MACROD2: variants seen among roughly 807,000 people sequenced by gnomAD.
MACROD2 encodes ADP-ribose glycohydrolase MACROD2.
MACROD2 carries 36 observed loss-of-function variants against 70.4 expected under a neutral mutation model. That is an observed-to-expected ratio of 0.51 (90% confidence interval 0.39 to 0.68). The LOEUF (loss-of-function observed/expected upper bound fraction) is 0.68, where lower values mean the gene tolerates loss of function less well. Among genes scored for constraint, MACROD2 ranks in the 30% least tolerant of loss-of-function variants. MACROD2 has a pLI of 0.00. For synonymous variants in MACROD2, 172 were observed against 178.8 expected, an observed-to-expected ratio of 0.96 and a Z score of 0.30; for missense variants, 496 against 538.4, an observed-to-expected ratio of 0.92 and a Z score of 0.78.
intron 3 of MACROD2, among the ~76,000 whole-genome samples, chr20:14,154,923 C>A (rs2055078458): frequency 6.6e-6 from 1 of 152,162 alleles, no homozygotes; most frequent in Non-Finnish European, 1.5e-5. Flanking sequence ...ATGAAACTCT[C>A]CCTTGCCAGA....
chr20:15,233,583 G>A (rs1196525218), intron 6 of MACROD2, among the ~76,000 whole-genome samples: 1 of 151,864 alleles, frequency 6.6e-6, no homozygotes, highest in East Asian at 1.9e-4. Context: ...TATTAACTTA[G>A]GGGAAAAAAT....
At chr20:15,066,033 C>T (rs371377071) in intron 5 of MACROD2, among the ~76,000 whole-genome samples, 4 of 152,056 alleles carry the variant, frequency 2.6e-5, no homozygotes, top group Middle Eastern at 3.4e-3. Flanking sequence ...GTATTCTATC[C>T]GGTGGCTACC....
chr20:14,526,996 T>A (rs2085241529), intron 4 of MACROD2, among the ~76,000 whole-genome samples: 1 of 152,222 alleles, frequency 6.6e-6, no homozygotes, highest in Non-Finnish European at 1.5e-5. Flanking sequence ...ACTTGGAGAA[T>A]GAGTGCAAGG....
Position 15,383,446 on chromosome 20 carries a change from A to C in MACROD2, c.541-47959A>C, listed in dbSNP as rs111243450. Reference sequence around the variant, plus strand: ...CCAAGTTCCCTGAGTTAAGAAGTAGAATTTCAAACACAGGTTGAACTAACC... The same window carrying C: ...CCAAGTTCCCTGAGTTAAGAAGTAGCATTTCAAACACAGGTTGAACTAACC... On this transcript the variant is annotated intron_variant, in intron 6 of 17. Transcript: ENST00000684519. Among the ~76,000 whole-genome samples, 977 of 152,302 alleles carry C rather than the reference A, an allele frequency of 6.4e-3. 10 individuals carry two copies. The highest frequency in any genetic ancestry group is 0.022 in the African/African-American group (912 of 41,566).
chr20:15,237,994 C>T (rs1294237931), intron 6 of MACROD2, among the ~76,000 whole-genome samples: 1 of 152,120 alleles, frequency 6.6e-6, no homozygotes, highest in East Asian at 1.9e-4. Context: ...ATGGGTGGGG[C>T]ACTGATGCCT....
intron 8 of MACROD2, among the ~76,000 whole-genome samples, chr20:15,521,895 G>A (rs1033331962): frequency 1.3e-5 from 2 of 152,196 alleles, no homozygotes; most frequent in African/African-American, 2.4e-5. Context: ...AAGTCAGTTC[G>A]TATGCAGCTT....
At chr20:15,973,373 C>T (rs2066259549) in intron 13 of MACROD2, among the ~76,000 whole-genome samples, 1 of 152,086 alleles carries the variant, frequency 6.6e-6, no homozygotes, top group Non-Finnish European at 1.5e-5. Context: ...TAGCCTGACT[C>T]CATAAATACC....
intron 3 of MACROD2, among the ~76,000 whole-genome samples, chr20:14,254,017 CA>C (rs1407958679): frequency 1.3e-5 from 2 of 151,294 alleles, no homozygotes; most frequent in Non-Finnish European, 3.0e-5. Context: ...TAATTTAAAA[CA>C]AAATTAATAC....
intron 5 of MACROD2, among the ~76,000 whole-genome samples, chr20:15,108,558 G>A (rs1336167887): frequency 6.6e-6 from 1 of 152,082 alleles, no homozygotes; most frequent in East Asian, 1.9e-4. Flanking sequence ...GATACTCCTA[G>A]AATCCACTTA....
chr20:14,740,385 C>CA (rs1453257468), intron 5 of MACROD2, among the ~76,000 whole-genome samples: 2 of 152,004 alleles, frequency 1.3e-5, no homozygotes, highest in African/African-American at 4.8e-5. Flanking sequence ...AATAATTCAA[C>CA]AAAAAAACCC....
chr20:15,002,678 G>A (rs1323829980), intron 5 of MACROD2, among the ~76,000 whole-genome samples: 2 of 152,178 alleles, frequency 1.3e-5, no homozygotes, highest in South Asian at 4.2e-4. Flanking sequence ...AAATGGTCAG[G>A]GTGTAAGAAA....
At chr20:15,008,537 G>A (rs966233062) in intron 5 of MACROD2, among the ~76,000 whole-genome samples, 3 of 152,156 alleles carry the variant, frequency 2.0e-5, no homozygotes, top group Non-Finnish European at 2.9e-5. Context: ...TCATGGTGCA[G>A]GTTCTTGAGA....
chr20:14,976,883 T>C (rs1042666417), intron 5 of MACROD2, among the ~76,000 whole-genome samples: 7 of 152,192 alleles, frequency 4.6e-5, no homozygotes, highest in Admixed American at 1.3e-4. Context: ...GCGGGGCTCT[T>C]ACTGAGTATT....
chr20:15,933,918 T>A (rs960112155), intron 11 of MACROD2, among the ~76,000 whole-genome samples: 2 of 152,142 alleles, frequency 1.3e-5, no homozygotes, highest in Non-Finnish European at 2.9e-5. Flanking sequence ...CCATTGAAAG[T>A]TTATATATTC....
chr20:14,108,148 GTT>G (rs752798169), intron 3 of MACROD2, among the ~76,000 whole-genome samples: 124 of 151,334 alleles, frequency 8.2e-4, no homozygotes, highest in African/African-American at 2.9e-3. Flanking sequence ...GTAGTTATTA[GTT>G]TTTTTTTCTT....
At chr20:15,624,762 G>A (rs1219279900) in intron 8 of MACROD2, among the ~76,000 whole-genome samples, 1 of 152,122 alleles carries the variant, frequency 6.6e-6, no homozygotes, top group African/African-American at 2.4e-5. Flanking sequence ...GAAAAAGTTT[G>A]CTGATTTCTG....
intron 5 of MACROD2, among the ~76,000 whole-genome samples, chr20:15,131,491 C>T (rs2076104888): frequency 6.6e-6 from 1 of 151,952 alleles, no homozygotes; most frequent in South Asian, 2.1e-4. Flanking sequence ...CAGGGGATTA[C>T]ATGGGGAAAT....
intron 8 of MACROD2, among the ~76,000 whole-genome samples, chr20:15,566,850 A>G (rs2048317037): frequency 6.6e-6 from 1 of 152,186 alleles, no homozygotes; most frequent in South Asian, 2.1e-4. Flanking sequence ...AATTTACCAT[A>G]GTTACACTGT....
rs545334030 is a variant in MACROD2, at chr20:14,115,766, A to G, written c.271+30038A>G. ...TTCAGTGCTGCATAAATGGCCATTT[A>G]TGGTAAAACCTGAGAATAAAGGAAG... On this transcript the variant is annotated intron_variant, in intron 3 of 17. Coordinates refer to ENST00000684519, the MANE Select transcript of MACROD2 (RefSeq NM_001351661.2). 3.4e-3 allele frequency among the ~76,000 whole-genome samples: 524 copies of G among 152,334 alleles called. 3 individuals carry two copies. The highest frequency in any genetic ancestry group is 0.012 in the African/African-American group (503 of 41,570).
Sources: gnomAD v4.1 joint callset for allele counts (sites outside exome capture counted in the v4.1 genomes callset) on GRCh38, gnomAD v4.1.1 for gene constraint, MANE v1.5 for transcripts, NCBI Gene and HGNC (gene_info 2026-07-23, HGNC 2026-07-21) for gene names.